The following ZNF395 variants were observed in gnomAD, a reference collection of about 807,000 sequenced individuals.
The protein encoded by ZNF395 is zinc finger protein 395, also known as HD gene regulatory region-binding protein 2.
A neutral mutation model predicts 57.7 loss-of-function variants in ZNF395; 20 were observed. The observed-to-expected ratio is 0.35, with a 90% CI of 0.24 to 0.50. ZNF395 has a LOEUF of 0.50. ZNF395 is among the 20% of genes least tolerant of loss of function. The probability of loss-of-function intolerance (pLI) is 0.97; values close to 1 mark genes in which losing one functional copy is unlikely to be tolerated. For missense variants in ZNF395, 606 were observed against 671.2 expected, an observed-to-expected ratio of 0.90 and a Z score of 1.07; for synonymous variants, 295 against 275.9, an observed-to-expected ratio of 1.07 and a Z score of -0.69.
chr8:28,357,528 C>G (rs1801795699), intron 3 of ZNF395, among the ~76,000 whole-genome samples: 1 of 152,194 alleles, frequency 6.6e-6, no homozygotes, highest in Non-Finnish European at 1.5e-5. Context: ...AAAAGTTAGT[C>G]TGAAATAAAC....
At position 28,356,652 on chromosome 8, in the gene ZNF395, T is replaced by G; in HGVS notation, c.583+18A>C. The G allele has an allele frequency of 6.2e-7, 1 of 1,606,594 alleles. No individual in the cohort carries two copies. Among genetic ancestry groups the G allele is most frequent in the East Asian group, 2.2e-5 (1 of 44,822 alleles). On this transcript the variant is annotated intron_variant, in intron 4 of 9. Transcript: ENST00000344423. This position sits in a 1 kb window ranked among gnomAD's most constrained non-coding sequence, Gnocchi z 4.0. Reference sequence around the variant, plus strand: ...GCCTCTACCATGCCCAGAACCCAGCTGGGCCCCGCTTGCTCACCAGAGAAG... The same window carrying G: ...GCCTCTACCATGCCCAGAACCCAGCGGGGCCCCGCTTGCTCACCAGAGAAG...
At chr8:28,354,087 G>A (rs953805739) in intron 4 of ZNF395, among the ~76,000 whole-genome samples, 37 of 152,202 alleles carry the variant, frequency 2.4e-4, no homozygotes, top group African/African-American at 7.7e-4. Context: ...GAAGTAACAT[G>A]TTTGGAGGAG....
chr8:28,385,796 A>C (rs1802171177), intron 1 of ZNF395, among the ~76,000 whole-genome samples: 1 of 147,956 alleles, frequency 6.8e-6, no homozygotes, highest in Non-Finnish European at 1.5e-5. Flanking sequence ...GGCGAGGTAA[A>C]CAAGGCGACG....
chr8:28,346,879 G>A lies in ZNF395; in HGVS notation c.*1840C>T, dbSNP rs958482830. On this transcript the variant is annotated 3_prime_UTR_variant, in exon 10 of 10. Coordinates refer to ENST00000344423, the MANE Select transcript of ZNF395 (RefSeq NM_018660.3). ...AAGGAGATCGAAGGGACAGGAAGGA[G>A]AGCCCTGCGCCACCTCAGGCTAGCC... 1 of 151,900 alleles carries A rather than the reference G, an allele frequency of 6.6e-6. No homozygotes were observed. The highest frequency in any genetic ancestry group is 2.4e-5 in the African/African-American group (1 of 41,338). 9.4% of individuals were successfully genotyped at this position (151,900 alleles called of 1,614,324 possible).
At chr8:28,385,988 T>A (rs1802174798) in intron 1 of ZNF395, 1 of 145,364 alleles carries the variant, frequency 6.9e-6, no homozygotes, top group Non-Finnish European at 1.5e-5. Flanking sequence ...CGCCGCTAGG[T>A]CCCCGCGCAG....
chr8:28,361,199 G>C lies in ZNF395; in HGVS notation c.-58-17C>G. The stretch of plus-strand genomic sequence containing the variant: ...GCCCATCACCTGGGGGAATCAGGAA[G>C]CTTTCAGGAGGGAGCCCCACACAGC... On this transcript the variant is annotated splice_polypyrimidine_tract_variant and intron_variant, in intron 1 of 9. Transcript: ENST00000344423. 1 of 1,598,256 alleles carries C rather than the reference G, an allele frequency of 6.3e-7. No individual in the cohort carries two copies. Among genetic ancestry groups the C allele is most frequent in the Non-Finnish European group, 8.5e-7 (1 of 1,177,706 alleles).
chr8:28,377,066 C>T (rs1176432119), intron 1 of ZNF395, among the ~76,000 whole-genome samples: 1 of 152,066 alleles, frequency 6.6e-6, no homozygotes, highest in Non-Finnish European at 1.5e-5. Flanking sequence ...CAAGCAGTGA[C>T]CTGCACAACA....
At chr8:28,365,907 A>C (rs1801904385) in intron 1 of ZNF395, among the ~76,000 whole-genome samples, 1 of 152,196 alleles carries the variant, frequency 6.6e-6, no homozygotes, top group Non-Finnish European at 1.5e-5. Context: ...TTTGTCATGT[A>C]ACTGTTGCTG....
rs1801955009 is a variant in ZNF395 at position 28,369,736 on chromosome 8, G to A, written c.-58-8554C>T. On this transcript the variant is annotated intron_variant, in intron 1 of 9. Coordinates refer to ENST00000344423, the MANE Select transcript of ZNF395 (RefSeq NM_018660.3). ...AGCTAATCCCGCCCACACGGGTGGG[G>A]GCAGACCCACCTGGGGAGGGACTCA... 2.6e-5 allele frequency among the ~76,000 whole-genome samples: 4 copies of A among 152,242 alleles called. No individual in the cohort carries two copies. In the South Asian group the frequency reaches 6.2e-4, roughly 24 times the overall value.
At position 28,361,192 on chromosome 8, in the gene ZNF395, T is replaced by A; in HGVS notation, c.-58-10A>T. On this transcript the variant is annotated splice_polypyrimidine_tract_variant and intron_variant, in intron 1 of 9. Coordinates refer to ENST00000344423, the MANE Select transcript of ZNF395 (RefSeq NM_018660.3). ...AGCCTCTGCCCATCACCTGGGGGAA[T>A]CAGGAAGCTTTCAGGAGGGAGCCCC... 6.2e-7 allele frequency: 1 copy of A among 1,601,494 alleles called. No individual in the cohort carries two copies. Among genetic ancestry groups the A allele is most frequent in the Non-Finnish European group, 8.5e-7 (1 of 1,179,322 alleles).
In ZNF395 at chr8:28,359,896, C is replaced by T. The variant is rs532906296; in HGVS notation, c.241-72G>A. ...CGCCCTGAAGTTCTCATGCACCCCACGTCCCAGGAGCCAGGATCTGCCTGC... is the reference window on the plus strand; with the variant it reads ...CGCCCTGAAGTTCTCATGCACCCCATGTCCCAGGAGCCAGGATCTGCCTGC... On this transcript the variant is annotated intron_variant, in intron 2 of 9. Coordinates refer to ENST00000344423, the MANE Select transcript of ZNF395 (RefSeq NM_018660.3). This position sits in a 1 kb window ranked among gnomAD's most constrained non-coding sequence, Gnocchi z 4.7. 57 of 1,539,740 alleles carry T rather than the reference C, an allele frequency of 3.7e-5. 1 individual carries two copies. The African/African-American group carries it at 5.0e-4, about 14-fold the overall frequency.
At chr8:28,367,212 T>C (rs57735715) in intron 1 of ZNF395, among the ~76,000 whole-genome samples, 3,474 of 152,276 alleles carry the variant, frequency 0.023, 139 homozygotes, top group African/African-American at 0.08. Context: ...ATTAAAATGA[T>C]AGAATATCAA....
intron 1 of ZNF395, among the ~76,000 whole-genome samples, chr8:28,378,982 C>A: frequency 6.6e-6 from 1 of 152,192 alleles, no homozygotes; most frequent in East Asian, 1.9e-4. Flanking sequence ...TCAGCATGAT[C>A]GCTGATCATT....
chr8:28,349,003 C>T lies in ZNF395; in HGVS notation c.1430+122G>A, dbSNP rs563643430. The stretch of plus-strand genomic sequence containing the variant: ...AAACAGTCATCCCATCTGGTGCATC[C>T]GCCATCTGGGCTCCTCTCTGGGGAC... On this transcript the variant is annotated intron_variant, in intron 9 of 9. Coordinates refer to ENST00000344423, the MANE Select transcript of ZNF395 (RefSeq NM_018660.3). The T allele has an allele frequency of 1.3e-4, 156 of 1,177,584 alleles. 1 individual carries two copies. Among genetic ancestry groups the T allele is most frequent in the South Asian group, 5.8e-4 (41 of 71,060 alleles). The allele number at this position is 1,177,584 out of a possible 1,614,324, so 72.9% of individuals were successfully genotyped here.
rs930441290 is a variant in ZNF395 at position 28,372,693 on chromosome 8, G to A, written c.-58-11511C>T. ...TCCCAGCTACTCAGGAGGCTGAGGT[G>A]GGAGGATCACTTGAGCCTGGGAGGT... On this transcript the variant is annotated intron_variant, in intron 1 of 9. Coordinates refer to ENST00000344423, the MANE Select transcript of ZNF395 (RefSeq NM_018660.3). Among the ~76,000 whole-genome samples, 3 of 152,200 alleles carry A rather than the reference G, an allele frequency of 2.0e-5. No individual in the cohort carries two copies. The East Asian group carries it at 5.8e-4, about 29-fold the overall frequency.
intron 1 of ZNF395, among the ~76,000 whole-genome samples, chr8:28,384,582 C>T (rs915995902): frequency 6.6e-6 from 1 of 152,210 alleles, no homozygotes; most frequent in Non-Finnish European, 1.5e-5. Context: ...TCTCTTACAC[C>T]TTCTGTCTCC....
Position 28,346,571 on chromosome 8 carries a change from C to T in ZNF395, c.*2148G>A, listed in dbSNP as rs1208620270. Reference sequence around the variant, plus strand: ...TCCCTTTATTCCTCTCTTTCCTGCCCTGTATACCAACGGCATAAGAAGCCT... The same window carrying T: ...TCCCTTTATTCCTCTCTTTCCTGCCTTGTATACCAACGGCATAAGAAGCCT... On this transcript the variant is annotated 3_prime_UTR_variant, in exon 10 of 10. Transcript: ENST00000344423. The T allele has an allele frequency of 6.6e-6, 1 of 152,288 alleles. No homozygotes were observed. The highest frequency in any genetic ancestry group is 2.4e-5 in the African/African-American group (1 of 41,432). 9.4% of individuals were successfully genotyped at this position (152,288 alleles called of 1,614,324 possible).
At chr8:28,355,039 CTATAAGT>C (rs1270795746) in intron 4 of ZNF395, among the ~76,000 whole-genome samples, 1 of 152,100 alleles carries the variant, frequency 6.6e-6, no homozygotes, top group Non-Finnish European at 1.5e-5. Flanking sequence ...AAAACGTTAT[CTATAAGT>C]TATAAGTTAA....
chr8:28,384,027 T>C (rs1014464056), intron 1 of ZNF395, among the ~76,000 whole-genome samples: 1 of 152,168 alleles, frequency 6.6e-6, no homozygotes, highest in African/African-American at 2.4e-5. Flanking sequence ...TGTAAACAGA[T>C]TATTTCAACA....
Sources: gnomAD v4.1 joint callset for allele counts (sites outside exome capture counted in the v4.1 genomes callset) on GRCh38, gnomAD v4.1.1 for gene constraint, Gnocchi (gnomAD v3.1) non-coding constraint, MANE v1.5 for transcripts, NCBI Gene and HGNC (gene_info 2026-07-23, HGNC 2026-07-21) for gene names.